Variants in PARD3B observed in about 807,000 individuals in gnomAD.
The protein encoded by PARD3B is par-3 family cell polarity regulator beta, also known as partitioning defective 3 homolog B.
Under a neutral mutation model 130.2 loss-of-function variants are expected in PARD3B, and 103 were observed. The ratio of observed to expected loss-of-function variants is 0.79; its 90% CI spans 0.67 to 0.93. PARD3B has a LOEUF of 0.93. Among genes scored for constraint, PARD3B ranks in the 40% least tolerant of loss-of-function variants. The probability of loss-of-function intolerance (pLI) is 0.00; values close to 1 mark genes in which losing one functional copy is unlikely to be tolerated. For synonymous variants in PARD3B, 583 were observed against 553.2 expected (o/e 1.05, Z -0.76); for missense variants, 1,609 against 1,499.2 (o/e 1.07, Z -1.21).
At chr2:205,469,226 T>C (rs2048740810) in intron 20 of PARD3B, among the ~76,000 whole-genome samples, 1 of 152,208 alleles carries the variant, frequency 6.6e-6, no homozygotes, top group Admixed American at 6.5e-5. Flanking sequence ...TCCAAGGGAC[T>C]CTACCCTTAG....
Position 205,185,876 on chromosome 2 carries a change from T to A in PARD3B, c.2024+13T>A. On this transcript the variant is annotated intron_variant, in intron 14 of 22. Coordinates refer to ENST00000406610, the MANE Select transcript of PARD3B (RefSeq NM_001302769.2). ...ATTACAGCCACAGGTATTGATAAAATGATGTATCGTAAATGCTCCTTGTTA... is the reference window on the plus strand; with the variant it reads ...ATTACAGCCACAGGTATTGATAAAAAGATGTATCGTAAATGCTCCTTGTTA... 1 of 1,598,214 alleles carries A rather than the reference T, an allele frequency of 6.3e-7. No individual in the cohort carries two copies. Among genetic ancestry groups the A allele is most frequent in the Non-Finnish European group, 8.6e-7 (1 of 1,165,462 alleles).
chr2:204,783,884 A>T (rs1261076910), intron 2 of PARD3B, among the ~76,000 whole-genome samples: 2 of 152,024 alleles, frequency 1.3e-5, no homozygotes, highest in East Asian at 3.9e-4. Flanking sequence ...CTTCGATGAG[A>T]TTTCTTTTGG....
intron 18 of PARD3B, among the ~76,000 whole-genome samples, chr2:205,360,919 T>C (rs1439371269): frequency 6.6e-6 from 1 of 152,204 alleles, no homozygotes; most frequent in Non-Finnish European, 1.5e-5. Context: ...TCTTTATTTT[T>C]TTTTCTTGTG....
intron 18 of PARD3B, among the ~76,000 whole-genome samples, chr2:205,310,872 T>C (rs1171414056): frequency 4.6e-5 from 7 of 151,758 alleles, no homozygotes; most frequent in Admixed American, 1.3e-4. Context: ...TACAGGTGCC[T>C]GCCACCACAC....
rs540490289 is a variant in PARD3B, at chr2:204,867,601, C to T, written c.223-97551C>T. ...TTAAAATGCACCTTTGAGCATTGTT[C>T]CATGTGCTTTGTGTCCCTTGAATAA... On this transcript the variant is annotated intron_variant, in intron 2 of 22. Coordinates refer to ENST00000406610, the MANE Select transcript of PARD3B (RefSeq NM_001302769.2). 5.9e-5 allele frequency among the ~76,000 whole-genome samples: 9 copies of T among 152,238 alleles called. No individual in the cohort carries two copies. The South Asian group carries it at 1.9e-3, about 32-fold the overall frequency.
chr2:204,969,050 G>A (rs1333920146), intron 3 of PARD3B, among the ~76,000 whole-genome samples: 1 of 152,198 alleles, frequency 6.6e-6, no homozygotes, highest in Non-Finnish European at 1.5e-5. Flanking sequence ...CTGTGGCTCT[G>A]AAATCAGCCA....
At chr2:204,723,367 G>C (rs978067810) in intron 2 of PARD3B, among the ~76,000 whole-genome samples, 2 of 151,768 alleles carry the variant, frequency 1.3e-5, no homozygotes, top group East Asian at 3.9e-4. Flanking sequence ...TGTAATTTTT[G>C]GGAAAAAATT....
chr2:205,538,464 CGTGT>C (rs554316041), intron 21 of PARD3B, among the ~76,000 whole-genome samples: 3 of 116,348 alleles, frequency 2.6e-5, no homozygotes, highest in Non-Finnish European at 3.8e-5. Flanking sequence ...AAGATGGTCA[CGTGT>C]GTGTACACAC....
intron 18 of PARD3B, among the ~76,000 whole-genome samples, chr2:205,388,161 G>A (rs1574889144): frequency 6.6e-6 from 1 of 152,230 alleles, no homozygotes; most frequent in South Asian, 2.1e-4. Flanking sequence ...ATTTAATTAT[G>A]TGCTTCCTAG....
At chr2:204,747,200 G>GACTA (rs2040271317) in intron 2 of PARD3B, among the ~76,000 whole-genome samples, 3 of 151,992 alleles carry the variant, frequency 2.0e-5, no homozygotes, top group Admixed American at 6.6e-5. Flanking sequence ...CCACATGGCT[G>GACTA]GCCAGTTTTC....
At chr2:204,858,499 T>TA (rs554680233) in intron 2 of PARD3B, among the ~76,000 whole-genome samples, 10,026 of 116,994 alleles carry the variant, frequency 0.086, 404 homozygotes, top group East Asian at 0.17. Context: ...ATGTGGAATC[T>TA]AAAAAAAAAA....
At chr2:205,159,270 A>C (rs2034366987) in intron 11 of PARD3B, among the ~76,000 whole-genome samples, 1 of 152,250 alleles carries the variant, frequency 6.6e-6, no homozygotes, top group Non-Finnish European at 1.5e-5. Context: ...GGCAGCAAAT[A>C]AGACAGTTGT....
chr2:205,372,038 C>T (rs2044839133), intron 18 of PARD3B, among the ~76,000 whole-genome samples: 1 of 152,154 alleles, frequency 6.6e-6, no homozygotes, highest in Non-Finnish European at 1.5e-5. Context: ...ATAAATACCA[C>T]ATTTTATTTA....
chr2:205,126,878 T>G (rs1212848451), intron 10 of PARD3B, among the ~76,000 whole-genome samples: 2 of 151,938 alleles, frequency 1.3e-5, no homozygotes, highest in Admixed American at 1.3e-4. Flanking sequence ...AAATTACATT[T>G]TAAAACGTTA....
intron 1 of PARD3B, among the ~76,000 whole-genome samples, chr2:204,559,394 C>T (rs1006158206): frequency 1.1e-4 from 16 of 152,070 alleles, no homozygotes; most frequent in South Asian, 2.1e-4. Flanking sequence ...GAACAGACAC[C>T]TCTCAAAAGA....
At chr2:205,399,538 A>G (rs1487470147) in intron 18 of PARD3B, among the ~76,000 whole-genome samples, 1 of 151,912 alleles carries the variant, frequency 6.6e-6, no homozygotes, top group Non-Finnish European at 1.5e-5. Context: ...TATTTTTAGT[A>G]GAGACAGGGT....
At position 204,703,954 on chromosome 2, in the gene PARD3B, A is replaced by G. The variant is rs1275466570; in HGVS notation, c.222+17672A>G. The stretch of plus-strand genomic sequence containing the variant: ...GTGCCAAATATCAAAAAGGTTAATT[A>G]GAACCTGTTACATAGTGTTGAAGTA... On this transcript the variant is annotated intron_variant, in intron 2 of 22. Transcript: ENST00000406610. Among the ~76,000 whole-genome samples, 4 of 152,334 alleles carry G rather than the reference A, an allele frequency of 2.6e-5. No homozygotes were observed. The East Asian group carries it at 7.7e-4, about 29-fold the overall frequency.
chr2:205,197,140 T>C (rs564707175), intron 15 of PARD3B, among the ~76,000 whole-genome samples: 33 of 151,676 alleles, frequency 2.2e-4, no homozygotes, highest in African/African-American at 7.7e-4. Flanking sequence ...GATGGAAACA[T>C]TTGATCAAGC....
intron 19 of PARD3B, among the ~76,000 whole-genome samples, chr2:205,423,444 A>G (rs1336952188): frequency 3.9e-5 from 6 of 152,216 alleles, no homozygotes; most frequent in African/African-American, 1.2e-4. Context: ...CTAAGTACTT[A>G]GTAAATACTC....
Sources: allele counts gnomAD v4.1 joint callset (sites outside exome capture counted in the v4.1 genomes callset), GRCh38; gene constraint gnomAD v4.1.1; transcripts MANE v1.5; gene names NCBI Gene and HGNC (gene_info 2026-07-23, HGNC 2026-07-21).